The following AMOTL1 variants were observed in gnomAD, a reference collection of about 807,000 sequenced individuals.
The protein encoded by AMOTL1 is angiomotin-like protein 1.
A neutral mutation model predicts 102.9 loss-of-function variants in AMOTL1; 45 were observed. The observed-to-expected ratio is 0.44, with a 90% confidence interval of 0.34 to 0.56. The LOEUF is 0.56. Among genes scored for constraint, AMOTL1 ranks in the 20% least tolerant of loss-of-function variants. The pLI is 0.01. For synonymous variants in AMOTL1, 481 were observed against 484.7 expected, an observed-to-expected ratio of 0.99 and a Z score of 0.10; for missense variants, 1,114 against 1,225.6, an observed-to-expected ratio of 0.91 and a Z score of 1.36.
intron 3 of AMOTL1, among the ~76,000 whole-genome samples, chr11:94,748,909 A>G (rs180679774): frequency 1.3e-5 from 2 of 152,348 alleles, no homozygotes; most frequent in African/African-American, 4.8e-5. Context: ...TCTGCTGCAC[A>G]TAACTATAGA....
chr11:94,817,510 A>G (rs1951785831), intron 3 of AMOTL1, among the ~76,000 whole-genome samples: 1 of 152,162 alleles, frequency 6.6e-6, no homozygotes, highest in Non-Finnish European at 1.5e-5. Context: ...TGTTATTAGT[A>G]TGTGTTCCAG....
intron 2 of AMOTL1, chr11:94,797,109 A>G (rs1240114374): frequency 3.1e-5 from 25 of 810,540 alleles, no homozygotes; most frequent in Non-Finnish European, 3.7e-5. Flanking sequence ...GGGAAGAAAG[A>G]TTGTTTTGGG....
chr11:94,815,087 T>C (rs904935850), intron 3 of AMOTL1, among the ~76,000 whole-genome samples: 1 of 152,160 alleles, frequency 6.6e-6, no homozygotes, highest in African/African-American at 2.4e-5. Flanking sequence ...AAATTTTTAA[T>C]AAATAAGCTA....
chr11:94,725,483 T>C (rs1000543925), intron 1 of AMOTL1, among the ~76,000 whole-genome samples: 1 of 152,176 alleles, frequency 6.6e-6, no homozygotes, highest in Non-Finnish European at 1.5e-5. Flanking sequence ...GCCTCCCTTA[T>C]GATGACACTG....
At chr11:94,771,218 C>G (rs1950943963) in intron 1 of AMOTL1, among the ~76,000 whole-genome samples, 1 of 127,076 alleles carries the variant, frequency 7.9e-6, no homozygotes, top group Non-Finnish European at 1.6e-5. Flanking sequence ...TAAAATTCCC[C>G]CAAAGTAACC....
chr11:94,728,042 C>T (rs562751426), intron 1 of AMOTL1, among the ~76,000 whole-genome samples: 1 of 152,306 alleles, frequency 6.6e-6, no homozygotes, highest in South Asian at 2.1e-4. Flanking sequence ...ATGATTGGTG[C>T]CTATCCTAAT....
rs989272160 is a variant in AMOTL1 at position 94,782,929 on chromosome 11, G to A, written c.50-12082G>A. On this transcript the variant is annotated intron_variant, in intron 1 of 12. Coordinates refer to ENST00000433060, the MANE Select transcript of AMOTL1 (RefSeq NM_130847.3). Reference sequence around the variant, plus strand: ...ACTTTTTTTTCATAAAAATATTTATGTAACATATCATGGCTTTATTATTGA... The same window carrying A: ...ACTTTTTTTTCATAAAAATATTTATATAACATATCATGGCTTTATTATTGA... 2.0e-5 allele frequency among the ~76,000 whole-genome samples: 3 copies of A among 152,148 alleles called. No individual in the cohort carries two copies. In the East Asian group the frequency reaches 5.8e-4, roughly 29 times the overall value.
At chr11:94,825,702 C>CT (rs1565369646) in intron 4 of AMOTL1, among the ~76,000 whole-genome samples, 2 of 152,144 alleles carry the variant, frequency 1.3e-5, no homozygotes, top group Non-Finnish European at 1.5e-5. Flanking sequence ...CTCCCTGTAT[C>CT]TTTAACAAAT....
chr11:94,865,712 C>T (rs916548516), intron 10 of AMOTL1, among the ~76,000 whole-genome samples: 1 of 152,146 alleles, frequency 6.6e-6, no homozygotes, highest in Non-Finnish European at 1.5e-5. Flanking sequence ...TCTAACTGTA[C>T]CTCGCTGAAG....
intron 2 of AMOTL1, among the ~76,000 whole-genome samples, chr11:94,739,916 T>G (rs2510958): frequency 1.3e-5 from 2 of 152,182 alleles, no homozygotes; most frequent in African/African-American, 4.8e-5. Flanking sequence ...GAATTTACAG[T>G]TCTCAGAGCA....
chr11:94,787,103 G>C (rs1037276538), intron 1 of AMOTL1, among the ~76,000 whole-genome samples: 1 of 152,048 alleles, frequency 6.6e-6, no homozygotes, highest in African/African-American at 2.4e-5. Flanking sequence ...TATGATATCA[G>C]TATGCATAGA....
At position 94,865,968 on chromosome 11, in the gene AMOTL1, TAGAG is replaced by T. The variant is rs758043868; in HGVS notation, c.2290_2293del (p.Glu764LysfsTer4). The T allele has an allele frequency of 6.2e-7, 1 of 1,613,828 alleles. No homozygotes were observed. The highest frequency in any genetic ancestry group is 8.5e-7 in the Non-Finnish European group (1 of 1,179,848). On this transcript the variant is annotated frameshift_variant, in exon 11 of 13. Coordinates refer to ENST00000433060, the MANE Select transcript of AMOTL1 (RefSeq NM_130847.3). LOFTEE classifies it high-confidence loss of function. The stretch of plus-strand genomic sequence containing the variant: ...ATTAAAAATCTCCATGCCAAAATCA[TAGAG>T]AAAGATGCTATGATTAAGGTCCTGC...
intron 1 of AMOTL1, among the ~76,000 whole-genome samples, chr11:94,718,595 T>C (rs1161855983): frequency 6.6e-6 from 1 of 152,018 alleles, no homozygotes; most frequent in African/African-American, 2.4e-5. Context: ...TATTAATCTT[T>C]TAAAACATTT....
chr11:94,740,547 A>G (rs2135475913), intron 2 of AMOTL1, among the ~76,000 whole-genome samples: 1 of 151,508 alleles, frequency 6.6e-6, no homozygotes, highest in African/African-American at 2.4e-5. Context: ...CCGCGGGAAA[A>G]CTTCGCGGCT....
chr11:94,833,059 A>G (rs867889170), intron 6 of AMOTL1, among the ~76,000 whole-genome samples: 1 of 152,248 alleles, frequency 6.6e-6, no homozygotes, highest in Non-Finnish European at 1.5e-5. Flanking sequence ...AACATCAATT[A>G]TCAAGCAAAG....
At chr11:94,846,272 G>A (rs564030609) in intron 6 of AMOTL1, among the ~76,000 whole-genome samples, 4 of 152,244 alleles carry the variant, frequency 2.6e-5, no homozygotes, top group South Asian at 2.1e-4. Flanking sequence ...ATGTCCTTAC[G>A]TCTTTTCCCA....
chr11:94,764,888 G>T (rs988295967), upstream of AMOTL1, among the ~76,000 whole-genome samples: 5 of 152,170 alleles, frequency 3.3e-5, no homozygotes, highest in Non-Finnish European at 5.9e-5. Flanking sequence ...ATAAGTTTAT[G>T]AGGCAAATGT....
rs1953100459 is a variant in AMOTL1, at chr11:94,876,714, A to G, written c.*5919A>G. Reference sequence around the variant, plus strand: ...CTCCTTTCTTCCTTAAAGAACTTATAAACTGATGCTCAATAAATGTTTCAT... The same window carrying G: ...CTCCTTTCTTCCTTAAAGAACTTATGAACTGATGCTCAATAAATGTTTCAT... On this transcript the variant is annotated 3_prime_UTR_variant, in exon 13 of 13. Coordinates refer to ENST00000433060, the MANE Select transcript of AMOTL1 (RefSeq NM_130847.3). 6.6e-6 allele frequency: 1 copy of G among 152,650 alleles called. No individual in the cohort carries two copies. The highest frequency in any genetic ancestry group is 1.5e-5 in the Non-Finnish European group (1 of 68,044). 9.5% of individuals were successfully genotyped at this position (152,650 alleles called of 1,614,324 possible).
In AMOTL1 at chr11:94,734,523, G is replaced by T. The variant is rs77769398; in HGVS notation, c.85+5468G>T. ...TCATTTTGATGAAACCTTACTGATA[G>T]GCATGTGTTTGTCCTATCTGTTGGC... On this transcript the variant is annotated intron_variant, in intron 2 of 4. Transcript: ENST00000299004. Among the ~76,000 whole-genome samples, 1,251 of 152,304 alleles carry T rather than the reference G, an allele frequency of 8.2e-3. 19 individuals carry two copies. The highest frequency in any genetic ancestry group is 0.029 in the African/African-American group (1,186 of 41,558).
Sources: allele counts gnomAD v4.1 joint callset (sites outside exome capture counted in the v4.1 genomes callset), GRCh38; gene constraint gnomAD v4.1.1; transcripts MANE v1.5; gene names NCBI Gene and HGNC (gene_info 2026-07-23, HGNC 2026-07-21).